The following PDS5A variants were observed in gnomAD, a reference collection of about 807,000 sequenced individuals.
PDS5A encodes the protein sister chromatid cohesion protein PDS5 homolog A.
A neutral mutation model predicts 167.1 loss-of-function variants in PDS5A; 42 were observed. That is an observed-to-expected ratio of 0.25 (90% confidence interval 0.20 to 0.33). The LOEUF (loss-of-function observed/expected upper bound fraction) is 0.33, where lower values mean the gene tolerates loss of function less well. Among genes scored for constraint, PDS5A ranks in the 10% least tolerant of loss-of-function variants. The pLI, the probability that PDS5A is intolerant of heterozygous loss-of-function variation, is 1.00. For synonymous variants in PDS5A, 553 were observed against 554.6 expected, an observed-to-expected ratio of 1.00 and a Z score of 0.04; for missense variants, 1,033 against 1,605.9, an observed-to-expected ratio of 0.64 and a Z score of 6.10.
chr4:39,947,905 T>C (rs1021590308), intron 2 of PDS5A, among the ~76,000 whole-genome samples: 1 of 152,162 alleles, frequency 6.6e-6, no homozygotes, highest in Non-Finnish European at 1.5e-5. Flanking sequence ...AACTTCAACA[T>C]AAGTTTTGGT....
At chr4:39,938,950 C>A (rs1726944835) in intron 2 of PDS5A, among the ~76,000 whole-genome samples, 2 of 151,158 alleles carry the variant, frequency 1.3e-5, no homozygotes, top group African/African-American at 2.4e-5. Context: ...AGCCTGGCAA[C>A]ACAGCGAGAC....
chr4:39,968,254 C>G (rs1003368155), intron 2 of PDS5A, among the ~76,000 whole-genome samples: 2 of 151,768 alleles, frequency 1.3e-5, no homozygotes, highest in African/African-American at 4.8e-5. Flanking sequence ...GGACACCAGA[C>G]CTATAAGTGT....
intron 32 of PDS5A, 96 bp from the exon 33 acceptor site, chr4:39,825,584 C>A: frequency 1.6e-5 from 11 of 674,498 alleles, no homozygotes; most frequent in Admixed American, 3.7e-5. Flanking sequence ...TATCTAAAAT[C>A]TTTTTTTTTT....
intron 5 of PDS5A, among the ~76,000 whole-genome samples, chr4:39,925,030 T>C (rs73229711): frequency 0.071 from 10,869 of 152,232 alleles, 489 homozygotes; most frequent in Non-Finnish European, 0.1. Context: ...GAGGACTGCT[T>C]GAACCCGGGA....
chr4:39,913,551 G>A, intron 9 of PDS5A, 60 bp downstream of exon 9: 1 of 869,718 alleles, frequency 1.1e-6, no homozygotes, highest in Admixed American at 1.7e-5. Context: ...TTAATCAAGT[G>A]GACTGCACCC....
chr4:39,906,927 A>T (rs376419503), intron 11 of PDS5A, among the ~76,000 whole-genome samples: 9,949 of 148,872 alleles, frequency 0.067, 346 homozygotes, highest in Non-Finnish European at 0.098. Flanking sequence ...TAAAAAAAAA[A>T]AAAAAAAAAA....
chr4:39,833,150 C>T (rs1369058434), intron 32 of PDS5A, among the ~76,000 whole-genome samples: 1 of 116,108 alleles, frequency 8.6e-6, no homozygotes, highest in African/African-American at 3.2e-5. Flanking sequence ...GAGATCGTGT[C>T]GTTGCACTCC....
chr4:39,900,280 C>A, intron 14 of PDS5A, 146 bp downstream of exon 14: 1 of 566,310 alleles, frequency 1.8e-6, no homozygotes, highest in Non-Finnish European at 3.1e-6. Flanking sequence ...GGAAATTTAG[C>A]TTGGACAACT....
At chr4:39,906,933 A>T (rs955893688) in intron 11 of PDS5A, among the ~76,000 whole-genome samples, 2 of 150,594 alleles carry the variant, frequency 1.3e-5, no homozygotes, top group Non-Finnish European at 2.9e-5. Context: ...AAAAAAAAAA[A>T]AAAAAAAAAA....
intron 26 of PDS5A, among the ~76,000 whole-genome samples, chr4:39,851,344 G>A (rs11930880): frequency 6.6e-6 from 1 of 150,418 alleles, no homozygotes; most frequent in Non-Finnish European, 1.5e-5. Flanking sequence ...TTGCCTCTCA[G>A]GCTGGAGTGC....
At position 39,945,863 on chromosome 4, in the gene PDS5A, A is replaced by G. The variant is rs370969202; in HGVS notation, c.139-17699T>C. 4.8e-4 allele frequency among the ~76,000 whole-genome samples: 73 copies of G among 152,258 alleles called. No homozygotes were observed. The South Asian group carries it at 0.015, about 30-fold the overall frequency. ...AGGTGTTTTTGCTCAAAAATAAAAT[A>G]AAACACAGCAGTTTTTCTAAGGTTA... On this transcript the variant is annotated intron_variant, in intron 2 of 32. Transcript: ENST00000303538.
chr4:39,940,718 G>A (rs1727145975), intron 2 of PDS5A, among the ~76,000 whole-genome samples: 1 of 152,222 alleles, frequency 6.6e-6, no homozygotes, highest in South Asian at 2.1e-4. Flanking sequence ...CTGGAGCGCA[G>A]AGGCGCTCAC....
intron 8 of PDS5A, among the ~76,000 whole-genome samples, chr4:39,916,123 GCTC>G (rs1442618603): frequency 1.3e-5 from 2 of 151,820 alleles, no homozygotes; most frequent in African/African-American, 2.4e-5. Context: ...TGTAGTCCCA[GCTC>G]CTCAAGAGAC....
At chr4:39,956,703 C>A (rs1728956444) in intron 2 of PDS5A, among the ~76,000 whole-genome samples, 1 of 151,002 alleles carries the variant, frequency 6.6e-6, no homozygotes. Context: ...GACAGGTTCT[C>A]ACTCTGTCAC....
chr4:39,831,028 G>C (rs1715814509), intron 32 of PDS5A, among the ~76,000 whole-genome samples: 1 of 152,200 alleles, frequency 6.6e-6, no homozygotes, highest in Non-Finnish European at 1.5e-5. Flanking sequence ...TTTATACCTG[G>C]GTTTCCTCCA....
At chr4:39,961,994 A>G (rs1244854262) in intron 2 of PDS5A, among the ~76,000 whole-genome samples, 6 of 152,106 alleles carry the variant, frequency 3.9e-5, no homozygotes, top group Admixed American at 1.3e-4. Flanking sequence ...TGTTATTAAA[A>G]TTCTATCCCC....
intron 17 of PDS5A, among the ~76,000 whole-genome samples, chr4:39,888,336 A>G (rs1721666097): frequency 6.6e-6 from 1 of 151,822 alleles, no homozygotes; most frequent in African/African-American, 2.4e-5. Flanking sequence ...ACCCTCATAC[A>G]CTGTTGTTGG....
Position 39,960,982 on chromosome 4 carries a change from C to G in PDS5A, c.138+15458G>C, listed in dbSNP as rs546750255. 6.6e-5 allele frequency among the ~76,000 whole-genome samples: 10 copies of G among 152,192 alleles called. No homozygotes were observed. In the South Asian group the frequency reaches 2.1e-3, roughly 32 times the overall value. On this transcript the variant is annotated intron_variant, in intron 2 of 32. Transcript: ENST00000303538. ...GCAGTACAGGCGTGAGCCACCACACCCAGCCTAATTTTTTATTTTTTGTAG... is the reference window on the plus strand; with the variant it reads ...GCAGTACAGGCGTGAGCCACCACACGCAGCCTAATTTTTTATTTTTTGTAG...
intron 2 of PDS5A, among the ~76,000 whole-genome samples, chr4:39,943,264 T>A (rs1175041660): frequency 3.3e-5 from 5 of 151,994 alleles, no homozygotes; most frequent in African/African-American, 1.2e-4. Flanking sequence ...TTCAATTTCA[T>A]TCAATTTCAA....
Sources: allele counts gnomAD v4.1 joint callset (sites outside exome capture counted in the v4.1 genomes callset), GRCh38; gene constraint gnomAD v4.1.1; transcripts MANE v1.5; gene names NCBI Gene and HGNC (gene_info 2026-07-23, HGNC 2026-07-21).